Variants in SLC12A1 observed in about 807,000 individuals in gnomAD.
SLC12A1 encodes the protein Na-K-2Cl cotransporter.
Under a neutral mutation model 130.4 loss-of-function variants are expected in SLC12A1, and 89 were observed. The ratio of observed to expected loss-of-function variants is 0.68; its 90% confidence interval spans 0.58 to 0.81. SLC12A1 has a LOEUF of 0.81. SLC12A1 is among the 40% of genes least tolerant of loss of function. SLC12A1 has a pLI of 0.00. For synonymous variants in SLC12A1, 499 were observed against 460.0 expected (o/e 1.08, Z -1.09); for missense variants, 1,310 against 1,336.4 (o/e 0.98, Z 0.31).
At chr15:48,275,207 T>C (rs1254361512) in intron 20 of SLC12A1, among the ~76,000 whole-genome samples, 1 of 152,224 alleles carries the variant, frequency 6.6e-6, no homozygotes, top group Non-Finnish European at 1.5e-5. Flanking sequence ...CTCTTTTGTG[T>C]ATGAAATAAA....
intron 24 of SLC12A1, among the ~76,000 whole-genome samples, chr15:48,298,839 C>T (rs575612975): frequency 6.6e-6 from 1 of 152,318 alleles, no homozygotes; most frequent in South Asian, 2.1e-4. Flanking sequence ...AGAACAATTA[C>T]TACCTATGTG....
At chr15:48,238,639 T>G (rs1011180983) in intron 9 of SLC12A1, among the ~76,000 whole-genome samples, 1 of 152,142 alleles carries the variant, frequency 6.6e-6, no homozygotes, top group African/African-American at 2.4e-5. Flanking sequence ...GGGAGGAAAC[T>G]TCAGTACTTG....
intron 19 of SLC12A1, among the ~76,000 whole-genome samples, chr15:48,272,000 T>C (rs1383337595): frequency 6.6e-6 from 1 of 152,196 alleles, no homozygotes; most frequent in Admixed American, 6.5e-5. Context: ...TTATTTGATA[T>C]AGAATTACCT....
chr15:48,258,939 G>T (rs562711153), intron 16 of SLC12A1, among the ~76,000 whole-genome samples: 4 of 152,186 alleles, frequency 2.6e-5, no homozygotes, highest in African/African-American at 9.6e-5. Context: ...AGATTTGGGT[G>T]GGAACACAGC....
intron 20 of SLC12A1, among the ~76,000 whole-genome samples, chr15:48,278,038 T>A (rs1179070509): frequency 6.6e-6 from 1 of 152,248 alleles, no homozygotes; most frequent in Non-Finnish European, 1.5e-5. Context: ...TTTATGGACA[T>A]TTTAAATCTC....
At chr15:48,238,631 G>T (rs958298819) in intron 9 of SLC12A1, among the ~76,000 whole-genome samples, 2 of 152,184 alleles carry the variant, frequency 1.3e-5, no homozygotes, top group Non-Finnish European at 2.9e-5. Flanking sequence ...GGGAAATGGG[G>T]AGGAAACTTC....
chr15:48,266,729 T>C (rs1394170557), intron 17 of SLC12A1, among the ~76,000 whole-genome samples: 1 of 152,330 alleles, frequency 6.6e-6, no homozygotes, highest in African/African-American at 2.4e-5. Flanking sequence ...GTCAGACATA[T>C]GGCAGATAAT....
intron 1 of SLC12A1, among the ~76,000 whole-genome samples, chr15:48,206,972 GTAT>G (rs1002331101): frequency 6.6e-6 from 1 of 152,000 alleles, no homozygotes; most frequent in African/African-American, 2.4e-5. Flanking sequence ...TTGATGGGAT[GTAT>G]TTTTTAAATG....
At chr15:48,282,337 T>C (rs1444495646) in intron 20 of SLC12A1, among the ~76,000 whole-genome samples, 1 of 152,172 alleles carries the variant, frequency 6.6e-6, no homozygotes, top group Admixed American at 6.6e-5. Flanking sequence ...GCTGTGCACA[T>C]ACCTTCAAGC....
Position 48,229,460 on chromosome 15 carries a change from T to G in SLC12A1, c.864+132T>G, listed in dbSNP as rs1007322985. 8.1e-6 allele frequency: 7 copies of G among 867,616 alleles called. No individual in the cohort carries two copies. The African/African-American group carries it at 1.2e-4, about 15-fold the overall frequency. 53.7% of individuals were successfully genotyped at this position (867,616 alleles called of 1,614,324 possible). ...TAAATATAGTGGAAGGAGCCTGGGCTTGGCATCAGAAGATCTGGCTTTGAG... is the reference window on the plus strand; with the variant it reads ...TAAATATAGTGGAAGGAGCCTGGGCGTGGCATCAGAAGATCTGGCTTTGAG... On this transcript the variant is annotated intron_variant, in intron 6 of 26. Transcript: ENST00000380993.
Position 48,255,835 on chromosome 15 carries a change from A to C in SLC12A1, c.1967A>C (p.Gln656Pro). The change falls in exon 16 of 27, where the codon CAG becomes CCG. Residue 656 changes from glutamine (Q) to proline (P), a missense_variant. Physicochemically the swap from Gln to Pro is moderately conservative, Grantham distance 76 (BLOSUM62 -1). Transcript: ENST00000380993. ...KPDVNWGSST[Q>P]ALSYVSALDN... Reference sequence around the variant, plus strand: ...GATGTGAACTGGGGCTCCTCCACACAGGCTCTTTCCTACGTGAGTGCTTTA... The same window carrying C: ...GATGTGAACTGGGGCTCCTCCACACCGGCTCTTTCCTACGTGAGTGCTTTA... 6.2e-7 allele frequency: 1 copy of C among 1,608,002 alleles called. No individual in the cohort carries two copies. Among genetic ancestry groups the C allele is most frequent in the Non-Finnish European group, 8.5e-7 (1 of 1,177,074 alleles).
chr15:48,246,940 T>A lies in SLC12A1; in HGVS notation c.1484T>A (p.Leu495His). Residue 495 changes from leucine (L) to histidine (H), a missense_variant, in exon 12 of 27, where the codon CTC becomes CAC. Physicochemically the swap from Leu to His is moderately conservative, Grantham distance 99. Transcript: ENST00000380993. ...AGCATGGTATCAGGGTTCGGCCCCCTCATCACTGCGGGAATCTTTTCTGCA... is the reference window on the plus strand; with the variant it reads ...AGCATGGTATCAGGGTTCGGCCCCCACATCACTGCGGGAATCTTTTCTGCA... ...VMSMVSGFGP[L>H]ITAGIFSATL... is the part of the protein sequence containing the mutation. The A allele has an allele frequency of 6.2e-7, 1 of 1,613,952 alleles. No individual in the cohort carries two copies. Among genetic ancestry groups the A allele is most frequent in the Non-Finnish European group, 8.5e-7 (1 of 1,179,840 alleles).
At chr15:48,250,647 T>C (rs2085697096) in intron 14 of SLC12A1, among the ~76,000 whole-genome samples, 1 of 129,258 alleles carries the variant, frequency 7.7e-6, no homozygotes, top group Admixed American at 8.1e-5. Flanking sequence ...GGAAGACACA[T>C]GGATACACAA....
chr15:48,282,062 C>A (rs2042013557), intron 20 of SLC12A1, among the ~76,000 whole-genome samples: 1 of 152,060 alleles, frequency 6.6e-6, no homozygotes. Flanking sequence ...CAGAAGGAGG[C>A]CTTAGATCAC....
intron 17 of SLC12A1, among the ~76,000 whole-genome samples, chr15:48,266,349 C>A (rs1318312682): frequency 6.6e-6 from 1 of 152,048 alleles, no homozygotes; most frequent in African/African-American, 2.4e-5. Context: ...AAGAGTTTAT[C>A]CTCATTTTAA....
In SLC12A1 at chr15:48,241,952, T is replaced by C. The variant is rs36041157; in HGVS notation, c.1300+353T>C. On this transcript the variant is annotated intron_variant, in intron 10 of 26. Coordinates refer to ENST00000380993, the MANE Select transcript of SLC12A1 (RefSeq NM_000338.3). ...TCTAGGAGGCAGGAGAGAAACAGAG[T>C]AGAGAAAAGAAGTGAAAAACAAAAC... is the stretch of plus-strand genomic sequence containing the variant. 7.4e-3 allele frequency among the ~76,000 whole-genome samples: 1,125 copies of C among 151,842 alleles called. 17 individuals carry two copies. The highest frequency in any genetic ancestry group is 0.026 in the African/African-American group (1,079 of 41,352).
intron 10 of SLC12A1, among the ~76,000 whole-genome samples, chr15:48,242,797 G>A (rs2041532622): frequency 1.3e-5 from 2 of 152,298 alleles, no homozygotes; most frequent in Middle Eastern, 3.4e-3. Flanking sequence ...GTGAGACCAT[G>A]TGTCAAAAAT....
At position 48,289,431 on chromosome 15, in the gene SLC12A1, T is replaced by TATATATATATATATA. The variant is rs60463295; in HGVS notation, c.2873+915_2873+916insATATATATATATATA. Among the ~76,000 whole-genome samples, 144 of 122,240 alleles carry TATATATATATATATA rather than the reference T, an allele frequency of 1.2e-3. 10 individuals carry two copies. The highest frequency in any genetic ancestry group is 1.4e-3 in the Non-Finnish European group (81 of 59,884). 80.2% of individuals were successfully genotyped at this position (122,240 alleles called of 152,430 possible). A position where few individuals can be genotyped will look rare whatever the true frequency, so the allele number is the denominator to read the frequency against. ...TATATATATATATATATATATATAA[T>TATATATATATATATA]GTATAACTATGTATAACTGTATAAT... On this transcript the variant is annotated intron_variant, in intron 23 of 26. Transcript: ENST00000380993.
intron 15 of SLC12A1, among the ~76,000 whole-genome samples, chr15:48,252,030 C>T (rs2041654372): frequency 1.3e-5 from 2 of 151,998 alleles, no homozygotes; most frequent in African/African-American, 4.8e-5. Flanking sequence ...TGGTGAAACC[C>T]CATCTCTACT....
Sources: gnomAD v4.1 joint callset for allele counts (sites outside exome capture counted in the v4.1 genomes callset) on GRCh38, gnomAD v4.1.1 for gene constraint, MANE v1.5 for transcripts, NCBI Gene and HGNC (gene_info 2026-07-23, HGNC 2026-07-21) for gene names.